Variants in SCTR observed in about 807,000 individuals in gnomAD.
SCTR encodes the protein secretin receptor, also known as pancreatic secretin receptor.
SCTR carries 56 observed loss-of-function variants against 60.8 expected under a neutral mutation model. That is an observed-to-expected ratio of 0.92 (90% CI 0.74 to 1.15). The LOEUF (loss-of-function observed/expected upper bound fraction) is 1.15, where lower values mean the gene tolerates loss of function less well. Ranked by LOEUF, SCTR falls within the 50% of genes most tolerant of loss-of-function variation. The pLI is 0.00. For missense variants in SCTR, 562 were observed against 550.4 expected, an observed-to-expected ratio of 1.02 and a Z score of -0.21; for synonymous variants, 202 against 217.0, an observed-to-expected ratio of 0.93 and a Z score of 0.61.
At chr2:119,449,674 G>A (rs537195959) in intron 9 of SCTR, among the ~76,000 whole-genome samples, 1 of 152,156 alleles carries the variant, frequency 6.6e-6, no homozygotes, top group East Asian at 1.9e-4. Flanking sequence ...TAGAAGCAGG[G>A]ATCAGTGGAA....
At chr2:119,459,280 T>C (rs1476779922) in intron 7 of SCTR, among the ~76,000 whole-genome samples, 2 of 152,252 alleles carry the variant, frequency 1.3e-5, no homozygotes, top group East Asian at 1.9e-4. Flanking sequence ...TATGTGTTAA[T>C]GGGAAGAAGC....
At chr2:119,459,703 G>C (rs1184040704) in intron 7 of SCTR, among the ~76,000 whole-genome samples, 2 of 152,126 alleles carry the variant, frequency 1.3e-5, no homozygotes, top group Non-Finnish European at 2.9e-5. Context: ...ACAAAGATTT[G>C]AAGAAGAAAG....
In SCTR at chr2:119,494,546, A is replaced by G. The variant is rs749635051; in HGVS notation, c.75T>C (p.Thr25=). 8 of 1,613,752 alleles carry G rather than the reference A, an allele frequency of 5.0e-6. No homozygotes were observed. The East Asian group carries it at 1.8e-4, about 36-fold the overall frequency. ...PVLLACAAHS[T]GALPRLCDVL... ...CGTCACATAGTCGGGGAAGGGCTCC[A>G]GTCTGCAAGTCCAAAACCAGGGATG... is the stretch of plus-strand genomic sequence containing the variant. The change falls in exon 2 of 13, where the codon ACT becomes ACC. Residue 25 remains threonine (T), a splice_region_variant and synonymous_variant. Transcript: ENST00000019103.
chr2:119,441,682 G>A, intron 11 of SCTR, 83 bp from the exon 12 acceptor site: 2 of 1,192,376 alleles, frequency 1.7e-6, no homozygotes, highest in Non-Finnish European at 2.5e-6. Context: ...ACCCTCCCCA[G>A]GTCTCTTAAT....
At chr2:119,466,136 G>A (rs1410414385) in intron 4 of SCTR, among the ~76,000 whole-genome samples, 1 of 151,964 alleles carries the variant, frequency 6.6e-6, no homozygotes, top group Non-Finnish European at 1.5e-5. Flanking sequence ...TCCATCTTAT[G>A]TATAGGGCCC....
rs766007188 is a variant in SCTR at position 119,465,844 on chromosome 2, A to T, written c.448T>A (p.Tyr150Asn). The T allele has an allele frequency of 8.7e-6, 14 of 1,613,966 alleles. No individual in the cohort carries two copies. The highest frequency in any genetic ancestry group is 7.7e-5 in the South Asian group (7 of 91,090). The change falls in exon 5 of 13, where the codon TAC (tyrosine) becomes AAC (asparagine). Residue 150 changes from tyrosine to asparagine, a missense_variant. By Grantham distance (143) the Tyr-to-Asn change is moderately radical. Transcript: ENST00000019103. ...LKLKVMYTVG[Y>N]SSSLVMLLVA... ...AGGAGCATGACCAGGGAGGAGCTGT[A>T]GCCCACGGTGTACATGACTTTCAGC...
chr2:119,460,027 T>C (rs1558844715), intron 7 of SCTR, among the ~76,000 whole-genome samples: 1 of 151,686 alleles, frequency 6.6e-6, no homozygotes, highest in Admixed American at 6.6e-5. Flanking sequence ...CTCTGCAACC[T>C]CCCGATGGCC....
At position 119,468,335 on chromosome 2, in the gene SCTR, G is replaced by A. The variant is rs1440721888; in HGVS notation, c.406-2449C>T. 2.0e-5 allele frequency among the ~76,000 whole-genome samples: 3 copies of A among 152,178 alleles called. No homozygotes were observed. The South Asian group carries it at 6.2e-4, about 32-fold the overall frequency. On this transcript the variant is annotated intron_variant, in intron 4 of 12. Transcript: ENST00000019103. ...AGGTTAGAAAGACCCAAGCTCCATGGTGTCACACAGTGTACTGTAGAGAAA... is the reference window on the plus strand; with the variant it reads ...AGGTTAGAAAGACCCAAGCTCCATGATGTCACACAGTGTACTGTAGAGAAA...
chr2:119,468,547 A>G (rs1354277875), intron 4 of SCTR, among the ~76,000 whole-genome samples: 1 of 152,258 alleles, frequency 6.6e-6, no homozygotes, highest in Non-Finnish European at 1.5e-5. Context: ...GAGTACCTAG[A>G]CAATGCCTTG....
intron 1 of SCTR, among the ~76,000 whole-genome samples, chr2:119,517,697 C>G (rs1679158183): frequency 6.6e-6 from 1 of 152,098 alleles, no homozygotes; most frequent in Non-Finnish European, 1.5e-5. Context: ...AGTTAACCAG[C>G]TGATGAGAAA....
At chr2:119,488,002 T>C (rs1003671759) in intron 2 of SCTR, among the ~76,000 whole-genome samples, 1 of 152,120 alleles carries the variant, frequency 6.6e-6, no homozygotes, top group Non-Finnish European at 1.5e-5. Flanking sequence ...CTTAGTCTTT[T>C]AGGGGATTTT....
chr2:119,464,969 C>T (rs967623392), intron 5 of SCTR, among the ~76,000 whole-genome samples: 4 of 152,184 alleles, frequency 2.6e-5, no homozygotes, highest in Non-Finnish European at 5.9e-5. Context: ...CAGTGTCCTC[C>T]TCTGCTGCAG....
intron 9 of SCTR, among the ~76,000 whole-genome samples, 191 bp from the exon 10 acceptor site, chr2:119,448,971 T>C (rs528426363): frequency 3.3e-5 from 5 of 152,228 alleles, no homozygotes; most frequent in Admixed American, 1.3e-4. Context: ...CTAGAGTCCA[T>C]GGCTGGAGGC....
chr2:119,451,068 A>C (rs142002180), intron 9 of SCTR, among the ~76,000 whole-genome samples: 192 of 152,324 alleles, frequency 1.3e-3, no homozygotes, highest in Non-Finnish European at 2.1e-3. Flanking sequence ...CTCTCCTCTC[A>C]ACCAATCCCA....
chr2:119,466,020 C>T (rs1474884004), intron 4 of SCTR, 134 bp from the exon 5 acceptor site: 1 of 637,200 alleles, frequency 1.6e-6, no homozygotes, highest in Non-Finnish European at 2.9e-6. Context: ...GACGCCAATT[C>T]ACAGACACAT....
intron 1 of SCTR, among the ~76,000 whole-genome samples, chr2:119,497,336 C>G (rs192347129): frequency 2.7e-4 from 41 of 150,924 alleles, no homozygotes; most frequent in Admixed American, 1.1e-3. Flanking sequence ...CCATTCCCCC[C>G]ACTTCCCCTC....
intron 2 of SCTR, 75 bp downstream of exon 2, chr2:119,494,353 T>C (rs2104900934): frequency 6.5e-7 from 1 of 1,532,882 alleles, no homozygotes; most frequent in Non-Finnish European, 8.9e-7. Context: ...TGGCCCAGGA[T>C]AAGCTCCCCC....
intron 1 of SCTR, among the ~76,000 whole-genome samples, chr2:119,497,249 C>T (rs927580053): frequency 6.6e-6 from 1 of 152,058 alleles, no homozygotes; most frequent in African/African-American, 2.4e-5. Context: ...AGGCTCCTCC[C>T]CCACTCTGCA....
chr2:119,476,009 G>A (rs888616704), intron 3 of SCTR, among the ~76,000 whole-genome samples: 6 of 152,064 alleles, frequency 3.9e-5, no homozygotes, highest in African/African-American at 1.4e-4. Flanking sequence ...AAACATCTGG[G>A]GGCAGAATCG....
Sources: gnomAD v4.1 joint callset for allele counts (sites outside exome capture counted in the v4.1 genomes callset) on GRCh38, gnomAD v4.1.1 for gene constraint, MANE v1.5 for transcripts, NCBI Gene and HGNC (gene_info 2026-07-23, HGNC 2026-07-21) for gene names.